PPP3CA: variants seen among roughly 807,000 people sequenced by gnomAD.
The protein encoded by PPP3CA is CAM-PRP catalytic subunit.
A neutral mutation model predicts 66.5 loss-of-function variants in PPP3CA; 14 were observed. That is an observed-to-expected ratio of 0.21 (90% CI 0.14 to 0.33). The LOEUF (loss-of-function observed/expected upper bound fraction) is 0.33, where lower values mean the gene tolerates loss of function less well. PPP3CA is among the 10% of genes least tolerant of loss of function. PPP3CA has a pLI of 1.00. For synonymous variants in PPP3CA, 232 were observed against 226.2 expected (o/e 1.03, Z -0.23); for missense variants, 317 against 639.5 (o/e 0.50, Z 5.44).
chr4:101,317,970 G>A (rs552395395), intron 1 of PPP3CA, among the ~76,000 whole-genome samples: 3 of 152,230 alleles, frequency 2.0e-5, no homozygotes, highest in Non-Finnish European at 2.9e-5. Flanking sequence ...TGAAAAGTAG[G>A]TTGAGATAGT....
chr4:101,268,568 T>C (rs1440047181), intron 1 of PPP3CA, among the ~76,000 whole-genome samples: 1 of 152,040 alleles, frequency 6.6e-6, no homozygotes, highest in Non-Finnish European at 1.5e-5. Flanking sequence ...ATACATAGAG[T>C]AACACTGTAT....
chr4:101,228,672 T>A (rs1725858392), intron 1 of PPP3CA, among the ~76,000 whole-genome samples: 1 of 151,634 alleles, frequency 6.6e-6, no homozygotes, highest in Admixed American at 6.6e-5. Flanking sequence ...AGGCATGTAC[T>A]GCAATTCACA....
intron 10 of PPP3CA, 93 bp downstream of exon 10, chr4:101,060,994 T>C: frequency 9.3e-7 from 1 of 1,078,080 alleles, no homozygotes; most frequent in Non-Finnish European, 1.4e-6. Context: ...TTAAACATAA[T>C]CCAAATCTTA....
chr4:101,159,565 C>G (rs1723435436), intron 2 of PPP3CA, among the ~76,000 whole-genome samples: 1 of 152,184 alleles, frequency 6.6e-6, no homozygotes, highest in Non-Finnish European at 1.5e-5. Context: ...GACTGGCCTT[C>G]TTTCTGGTGT....
At chr4:101,118,422 T>C (rs1721916022) in intron 2 of PPP3CA, among the ~76,000 whole-genome samples, 1 of 152,068 alleles carries the variant, frequency 6.6e-6, no homozygotes, top group South Asian at 2.1e-4. Context: ...ATAAATTAAA[T>C]AATTGAACAT....
At chr4:101,279,448 T>C (rs1292233497) in intron 1 of PPP3CA, among the ~76,000 whole-genome samples, 3 of 152,226 alleles carry the variant, frequency 2.0e-5, no homozygotes, top group Admixed American at 6.5e-5. Flanking sequence ...ATCAGATACC[T>C]GACTCTGCTG....
At chr4:101,039,197 A>G (rs1371732330) in intron 11 of PPP3CA, among the ~76,000 whole-genome samples, 1 of 144,286 alleles carries the variant, frequency 6.9e-6, no homozygotes, top group African/African-American at 2.5e-5. Context: ...TGCACTTGCT[A>G]TTGTCTTTGC....
At chr4:101,327,564 C>A (rs1200402824) in intron 1 of PPP3CA, among the ~76,000 whole-genome samples, 4 of 151,624 alleles carry the variant, frequency 2.6e-5, no homozygotes, top group Non-Finnish European at 5.9e-5. Flanking sequence ...TTCCCATGTA[C>A]TACCACTGGA....
chr4:101,278,653 G>A (rs1727586856), intron 1 of PPP3CA, among the ~76,000 whole-genome samples: 1 of 152,224 alleles, frequency 6.6e-6, no homozygotes, highest in African/African-American at 2.4e-5. Context: ...TGTCGGCAAT[G>A]TTATATATAG....
At chr4:101,043,789 C>T (rs749671706) in intron 10 of PPP3CA, among the ~76,000 whole-genome samples, 7 of 151,950 alleles carry the variant, frequency 4.6e-5, no homozygotes, top group Non-Finnish European at 8.8e-5. Flanking sequence ...GCAGGAGAAT[C>T]GGTTGAACCT....
chr4:101,289,865 C>CGTGTGT (rs1480778164), intron 1 of PPP3CA, among the ~76,000 whole-genome samples: 5 of 118,050 alleles, frequency 4.2e-5, no homozygotes, highest in African/African-American at 1.5e-4. Flanking sequence ...CCAAAATGTC[C>CGTGTGT]GTGTATGTGT....
intron 10 of PPP3CA, among the ~76,000 whole-genome samples, chr4:101,053,975 A>G (rs1728118868): frequency 1.3e-5 from 2 of 152,040 alleles, no homozygotes; most frequent in Admixed American, 6.6e-5. Flanking sequence ...TAAGCTTGAA[A>G]AAGTTTTTGC....
At chr4:101,337,510 C>T (rs1345363870) in intron 1 of PPP3CA, among the ~76,000 whole-genome samples, 3 of 152,146 alleles carry the variant, frequency 2.0e-5, no homozygotes, top group Admixed American at 1.3e-4. Flanking sequence ...TGACCAGAGG[C>T]GAGGACAACA....
chr4:101,274,220 C>T (rs1280540364), intron 1 of PPP3CA, among the ~76,000 whole-genome samples: 1 of 152,178 alleles, frequency 6.6e-6, no homozygotes, highest in Non-Finnish European at 1.5e-5. Flanking sequence ...GGGAGAATTA[C>T]TTGAACCCAG....
chr4:101,162,124 C>T (rs546803864), intron 2 of PPP3CA, among the ~76,000 whole-genome samples: 1 of 152,136 alleles, frequency 6.6e-6, no homozygotes, highest in Admixed American at 6.5e-5. Context: ...CCTGTAATCC[C>T]AGATACTGGG....
intron 2 of PPP3CA, among the ~76,000 whole-genome samples, chr4:101,182,088 T>C (rs1293876019): frequency 6.6e-6 from 1 of 152,154 alleles, no homozygotes; most frequent in Admixed American, 6.6e-5. Context: ...AAAAAAATAA[T>C]TGCATAAAAG....
intron 2 of PPP3CA, among the ~76,000 whole-genome samples, chr4:101,127,100 G>T (rs989152231): frequency 2.0e-5 from 3 of 152,058 alleles, no homozygotes; most frequent in African/African-American, 7.2e-5. Context: ...TTTGATTTGG[G>T]TGTATCATTT....
chr4:101,025,660 T>C lies in PPP3CA; in HGVS notation c.*205A>G. On this transcript the variant is annotated 3_prime_UTR_variant, in exon 14 of 14. Coordinates refer to ENST00000394854, the MANE Select transcript of PPP3CA (RefSeq NM_000944.5). ...AGGCATACCCAAAAGAGGTGTTTAA[T>C]CACCATCCCCACCAAAATATAGTTT... 1 of 468,172 alleles carries C rather than the reference T, an allele frequency of 2.1e-6. No individual in the cohort carries two copies. Among genetic ancestry groups the C allele is most frequent in the Non-Finnish European group, 3.7e-6 (1 of 270,896 alleles). The allele number at this position is 468,172 out of a possible 1,614,324, so 29.0% of individuals were successfully genotyped here.
intron 2 of PPP3CA, among the ~76,000 whole-genome samples, chr4:101,132,937 G>C (rs1225775275): frequency 6.6e-6 from 1 of 152,144 alleles, no homozygotes; most frequent in Non-Finnish European, 1.5e-5. Flanking sequence ...ATGCAAGGCT[G>C]GTTCAACATA....
Sources: gnomAD v4.1 joint callset for allele counts (sites outside exome capture counted in the v4.1 genomes callset) on GRCh38, gnomAD v4.1.1 for gene constraint, MANE v1.5 for transcripts, NCBI Gene and HGNC (gene_info 2026-07-23, HGNC 2026-07-21) for gene names.